The following CFHR5 variants were observed in gnomAD, a reference collection of about 807,000 sequenced individuals.
CFHR5 encodes the protein complement factor H-related protein 5.
Under a neutral mutation model 62.9 loss-of-function variants are expected in CFHR5, and 73 were observed. The observed-to-expected ratio is 1.16, with a 90% CI of 0.96 to 1.41. The LOEUF is 1.41. Among genes scored for constraint, CFHR5 ranks in the 40% most tolerant of loss-of-function variants. The probability of loss-of-function intolerance (pLI) is 0.00; values close to 1 mark genes in which losing one functional copy is unlikely to be tolerated. For missense variants in CFHR5, 779 were observed against 679.9 expected (o/e 1.15, Z -1.62); for synonymous variants, 249 against 227.2 (o/e 1.10, Z -0.86).
intron 4 of CFHR5, among the ~76,000 whole-genome samples, chr1:196,994,658 G>T (rs1203876193): frequency 1.3e-5 from 2 of 152,128 alleles, no homozygotes; most frequent in Non-Finnish European, 2.9e-5. Flanking sequence ...ATTTATACCT[G>T]CTTCAGATGG....
At chr1:196,989,005 T>A (rs181860518) in intron 3 of CFHR5, among the ~76,000 whole-genome samples, 2 of 144,120 alleles carry the variant, frequency 1.4e-5, no homozygotes, top group African/African-American at 5.8e-5. Context: ...GGTCCTGAAC[T>A]TTTTTGGGTG....
At chr1:197,003,924 A>T (rs7554757) in intron 8 of CFHR5, among the ~76,000 whole-genome samples, 134,903 of 152,142 alleles carry the variant, frequency 0.89, 60,030 homozygotes, top group East Asian at 1. Context: ...GATCTTTTAC[A>T]AGTTTAAAGG....
At position 196,995,869 on chromosome 1, in the gene CFHR5, G is replaced by A. The variant is rs201472916; in HGVS notation, c.760G>A (p.Gly254Arg). 4.6e-5 allele frequency: 75 copies of A among 1,613,200 alleles called. No individual in the cohort carries two copies. Among genetic ancestry groups the A allele is most frequent in the Non-Finnish European group, 6.2e-5 (73 of 1,179,420 alleles). The change falls in exon 5 of 10, where the codon GGA (glycine) becomes AGA (arginine). Residue 254 changes from glycine (G) to arginine (R), a missense_variant. By Grantham distance (125) the Gly-to-Arg change is moderately radical. Coordinates refer to ENST00000256785, the MANE Select transcript of CFHR5 (RefSeq NM_030787.4). ...GCCTAAGAAAATACAATGTGTGGAT[G>A]GAGAATGGACAACTTTACCCACTTG... ...NGPKKIQCVD[G>R]EWTTLPTCVE...
At chr1:196,985,443 A>G (rs990821861) in intron 3 of CFHR5, among the ~76,000 whole-genome samples, 1 of 152,182 alleles carries the variant, frequency 6.6e-6, no homozygotes, top group African/African-American at 2.4e-5. Context: ...GTAAACAGTT[A>G]CGTCATGGTC....
intron 1 of CFHR5, among the ~76,000 whole-genome samples, chr1:196,979,256 C>CTGTGTA (rs71782870): frequency 1.8e-4 from 27 of 148,462 alleles, no homozygotes; most frequent in Admixed American, 7.4e-4. Context: ...AGGTAATTGT[C>CTGTGTA]TGTGTGTGTG....
chr1:197,005,779 T>C (rs1298876755), intron 9 of CFHR5, among the ~76,000 whole-genome samples: 2 of 152,020 alleles, frequency 1.3e-5, no homozygotes, highest in East Asian at 3.9e-4. Context: ...TGTTATAGTC[T>C]TGAAAATTCA....
intron 6 of CFHR5, among the ~76,000 whole-genome samples, chr1:196,997,497 A>G (rs771068437): frequency 1.3e-5 from 2 of 152,132 alleles, no homozygotes; most frequent in African/African-American, 4.8e-5. Flanking sequence ...AACTATCTAC[A>G]TGTTTATGGG....
chr1:196,993,325 C>T (rs914063856), intron 3 of CFHR5, among the ~76,000 whole-genome samples: 1 of 152,102 alleles, frequency 6.6e-6, no homozygotes, highest in Non-Finnish European at 1.5e-5. Flanking sequence ...GACAGTGTCT[C>T]ACTCTGTCAC....
Position 196,994,119 on chromosome 1 carries a change from A to G in CFHR5, c.470A>G (p.Asp157Gly), listed in dbSNP as rs1490638651. 2 of 1,613,452 alleles carry G rather than the reference A, an allele frequency of 1.2e-6. No individual in the cohort carries two copies. Among genetic ancestry groups the G allele is most frequent in the African/African-American group, 1.3e-5 (1 of 74,974 alleles). Residue 157 changes from aspartate (D) to glycine (G), a missense_variant, in exon 4 of 10, where the codon GAT becomes GGT. Transcript: ENST00000256785. ...GTTCCAATTTTAGAAGCCAATGTAG[A>G]TGCTCAGCCAAAAAAAGAAAGCTAC... is the stretch of plus-strand genomic sequence containing the variant. ...CHVPILEANV[D>G]AQPKKESYKV...
intron 3 of CFHR5, among the ~76,000 whole-genome samples, chr1:196,984,852 C>A (rs541446236): frequency 4.7e-4 from 72 of 152,280 alleles, no homozygotes; most frequent in Admixed American, 3.9e-3. Context: ...ACCATAGTCA[C>A]CAAGACTGAC....
At chr1:197,004,920 A>G (rs773766951) in intron 9 of CFHR5, 77 bp downstream of exon 9, 1 of 1,090,976 alleles carries the variant, frequency 9.2e-7, no homozygotes, top group Non-Finnish European at 1.4e-6. Context: ...TTCATAGAAT[A>G]ACCCTTACTT....
intron 7 of CFHR5, among the ~76,000 whole-genome samples, chr1:196,999,941 G>T (rs1478051823): frequency 6.6e-6 from 1 of 151,016 alleles, no homozygotes; most frequent in Admixed American, 6.6e-5. Context: ...ATAGAACCTT[G>T]TATTTCCAAC....
rs7532068 is a variant in CFHR5, at chr1:196,983,069, G to T, written c.243G>T (p.Pro81=). The T allele has an allele frequency of 6.2e-7, 1 of 1,613,780 alleles. No homozygotes were observed. The stretch of plus-strand genomic sequence containing the variant: ...CAGAAGAAGGATGGTCACCAACACC[G>T]AAGTGTCTCAGTGAGTAAATGCCCT... ...TCTEEGWSPT[P]KCLRMCSFPF... is the part of the protein sequence containing the mutation. The change falls in exon 2 of 10, where the codon CCG becomes CCT. Residue 81 remains proline, a synonymous_variant. Coordinates refer to ENST00000256785, the MANE Select transcript of CFHR5 (RefSeq NM_030787.4).
rs1558286625 is a variant in CFHR5 at position 196,994,040 on chromosome 1, CA to C, written c.431-38del. 2.7e-6 allele frequency: 4 copies of C among 1,489,110 alleles called. No individual in the cohort carries two copies. The East Asian group carries it at 9.1e-5, about 34-fold the overall frequency. 92.2% of individuals were successfully genotyped at this position (1,489,110 alleles called of 1,614,324 possible). A position where few individuals can be genotyped will look rare whatever the true frequency, so the allele number is the denominator to read the frequency against. On this transcript the variant is annotated intron_variant, in intron 3 of 9. Coordinates refer to ENST00000256785, the MANE Select transcript of CFHR5 (RefSeq NM_030787.4). ...ATAGCACACATTAAATTTGTTTCTG[CA>C]ATGAAAATTCACATATGTTCATTTA...
chr1:196,981,647 A>T (rs1653544266), intron 1 of CFHR5, among the ~76,000 whole-genome samples: 1 of 151,972 alleles, frequency 6.6e-6, no homozygotes, highest in South Asian at 2.1e-4. Context: ...TAGTATCCTC[A>T]GTATCATTAG....
rs1654042816 is a variant in CFHR5 at position 196,998,158 on chromosome 1, C to T, written c.1001C>T (p.Ala334Val). The T allele has an allele frequency of 6.4e-7, 1 of 1,570,820 alleles. No homozygotes were observed. The highest frequency in any genetic ancestry group is 2.4e-5 in the East Asian group (1 of 42,224). Reference sequence around the variant, plus strand: ...CACCAACTTAAGAGGTGCAAAATAGCAGGAGTTAATATAAAAACATTACTC... The same window carrying T: ...CACCAACTTAAGAGGTGCAAAATAGTAGGAGTTAATATAAAAACATTACTC... Reference protein sequence around the residue: ...ATHQLKRCKIAGVNIKTLLKL... With the variant: ...ATHQLKRCKIVGVNIKTLLKL... Residue 334 changes from alanine (A) to valine (V), a missense_variant, in exon 7 of 10, where the codon GCA (alanine) becomes GTA (valine). Transcript: ENST00000256785.
rs1654363474 is a variant in CFHR5 at position 197,008,822 on chromosome 1, T to C, written c.*139T>C. ...CAGTTTTATTTAGAACTCTGGATTT[T>C]TAGAGCTTTAGAAATTTGTAAGCTG... On this transcript the variant is annotated 3_prime_UTR_variant, in exon 10 of 10. Transcript: ENST00000256785. 2.8e-6 allele frequency: 2 copies of C among 720,176 alleles called. No homozygotes were observed. The highest frequency in any genetic ancestry group is 1.8e-5 in the African/African-American group (1 of 56,356). 44.6% of individuals were successfully genotyped at this position (720,176 alleles called of 1,614,324 possible).
At chr1:196,989,894 T>C (rs1653796479) in intron 3 of CFHR5, among the ~76,000 whole-genome samples, 2 of 152,188 alleles carry the variant, frequency 1.3e-5, no homozygotes, top group African/African-American at 4.8e-5. Context: ...GTCCGCTTGG[T>C]GCAGAGCTGA....
chr1:197,006,916 A>T (rs932342430), intron 9 of CFHR5, among the ~76,000 whole-genome samples: 3 of 150,134 alleles, frequency 2.0e-5, no homozygotes, highest in African/African-American at 7.4e-5. Context: ...GGCTCATTGC[A>T]ACCTCCGCCT....
Sources: allele counts gnomAD v4.1 joint callset (sites outside exome capture counted in the v4.1 genomes callset), GRCh38; gene constraint gnomAD v4.1.1; transcripts MANE v1.5; gene names NCBI Gene and HGNC (gene_info 2026-07-23, HGNC 2026-07-21).